The following CAMKMT variants were observed in gnomAD, a reference collection of about 807,000 sequenced individuals.
CAMKMT encodes the protein calmodulin-lysine N-methyltransferase, also known as CaM KMT.
Under a neutral mutation model 48.0 loss-of-function variants are expected in CAMKMT, and 53 were observed. The ratio of observed to expected loss-of-function variants is 1.10; its 90% CI spans 0.89 to 1.39. The LOEUF (loss-of-function observed/expected upper bound fraction) is 1.39, where lower values mean the gene tolerates loss of function less well. Ranked by LOEUF, CAMKMT falls within the 40% of genes most tolerant of loss-of-function variation. The pLI is 0.00. For missense variants in CAMKMT, 428 were observed against 402.7 expected, an observed-to-expected ratio of 1.06 and a Z score of -0.54; for synonymous variants, 165 against 152.3, an observed-to-expected ratio of 1.08 and a Z score of -0.61.
At chr2:44,537,304 A>G (rs910503850) in intron 3 of CAMKMT, among the ~76,000 whole-genome samples, 1 of 152,244 alleles carries the variant, frequency 6.6e-6, no homozygotes, top group African/African-American at 2.4e-5. Flanking sequence ...AAGGAATTCA[A>G]ACAACTCAAC....
chr2:44,555,525 A>T (rs978244977), intron 3 of CAMKMT, among the ~76,000 whole-genome samples: 1 of 152,308 alleles, frequency 6.6e-6, no homozygotes, highest in South Asian at 2.1e-4. Context: ...AGCTTTCCCA[A>T]TAGGCCTTTG....
chr2:44,557,101 G>A (rs997488249), intron 3 of CAMKMT, among the ~76,000 whole-genome samples: 13 of 152,138 alleles, frequency 8.5e-5, no homozygotes, highest in Non-Finnish European at 1.9e-4. Flanking sequence ...AACTTTTCTA[G>A]ACATAGGATT....
intron 3 of CAMKMT, chr2:44,401,136 C>G (rs1048493799): frequency 6.6e-6 from 1 of 152,034 alleles, no homozygotes; most frequent in African/African-American, 2.4e-5. Context: ...GTAAAACATT[C>G]TTTCTACACA....
At chr2:44,693,236 G>A (rs572000396) in intron 3 of CAMKMT, among the ~76,000 whole-genome samples, 1 of 152,278 alleles carries the variant, frequency 6.6e-6, no homozygotes, top group Admixed American at 6.5e-5. Context: ...CTTCTAAACA[G>A]TATTATAAAT....
chr2:44,410,904 G>A (rs1683159046), intron 3 of CAMKMT, among the ~76,000 whole-genome samples: 1 of 152,060 alleles, frequency 6.6e-6, no homozygotes, highest in South Asian at 2.1e-4. Flanking sequence ...AAAATGAAAT[G>A]TATCATTATG....
intron 3 of CAMKMT, among the ~76,000 whole-genome samples, chr2:44,646,473 G>T (rs1673739786): frequency 1.3e-5 from 2 of 152,112 alleles, no homozygotes; most frequent in African/African-American, 2.4e-5. Flanking sequence ...TCCATCCAGT[G>T]ATTCTGAAGC....
At chr2:44,472,917 C>A (rs1558641936) in intron 3 of CAMKMT, among the ~76,000 whole-genome samples, 1 of 152,180 alleles carries the variant, frequency 6.6e-6, no homozygotes. Flanking sequence ...ATGTGCATTT[C>A]CTTCCTACTT....
chr2:44,440,576 A>G (rs1453996979), intron 3 of CAMKMT, among the ~76,000 whole-genome samples: 1 of 152,188 alleles, frequency 6.6e-6, no homozygotes, highest in Admixed American at 6.6e-5. Flanking sequence ...GAATTATGAT[A>G]AAATTTAATT....
At chr2:44,429,072 A>G (rs1684467889) in intron 3 of CAMKMT, among the ~76,000 whole-genome samples, 1 of 152,196 alleles carries the variant, frequency 6.6e-6, no homozygotes, top group Admixed American at 6.5e-5. Flanking sequence ...GGCTAAAGTC[A>G]AAGAGCCCAA....
At chr2:44,656,069 A>C (rs1028528017) in intron 3 of CAMKMT, among the ~76,000 whole-genome samples, 11 of 152,216 alleles carry the variant, frequency 7.2e-5, no homozygotes, top group Non-Finnish European at 1.5e-4. Flanking sequence ...TCTATTAATG[A>C]GTGAAAAGAG....
At chr2:44,590,224 T>C (rs1670177638) in intron 3 of CAMKMT, among the ~76,000 whole-genome samples, 1 of 152,174 alleles carries the variant, frequency 6.6e-6, no homozygotes. Context: ...GTCTGTAGTC[T>C]TCTCTTTGTC....
At chr2:44,565,468 AGTGAT>A (rs1668561088) in intron 3 of CAMKMT, among the ~76,000 whole-genome samples, 1 of 152,094 alleles carries the variant, frequency 6.6e-6, no homozygotes, top group African/African-American at 2.4e-5. Context: ...CCTTCCCATT[AGTGAT>A]GTGTGAGGAT....
intron 5 of CAMKMT, among the ~76,000 whole-genome samples, chr2:44,706,835 G>T (rs1334723582): frequency 6.6e-6 from 1 of 152,018 alleles, no homozygotes; most frequent in Non-Finnish European, 1.5e-5. Context: ...GTATTCAGGA[G>T]ATATTATGTA....
intron 3 of CAMKMT, among the ~76,000 whole-genome samples, chr2:44,451,399 GT>G (rs576935225): frequency 5.1e-4 from 77 of 151,806 alleles, no homozygotes; most frequent in Non-Finnish European, 9.0e-4. Context: ...AAAGGTTTTT[GT>G]TTTTTTGGAG....
chr2:44,580,809 G>T (rs892741413), intron 3 of CAMKMT, among the ~76,000 whole-genome samples: 2 of 152,106 alleles, frequency 1.3e-5, no homozygotes, highest in African/African-American at 4.8e-5. Flanking sequence ...GTCATGAAGC[G>T]CTTATTTGCT....
At chr2:44,368,367 T>A (rs953116039) in intron 1 of CAMKMT, among the ~76,000 whole-genome samples, 1 of 152,240 alleles carries the variant, frequency 6.6e-6, no homozygotes, top group African/African-American at 2.4e-5. Context: ...AATAACTGAA[T>A]CTTCTTTTTA....
At chr2:44,728,964 A>T (rs1056410760) in intron 7 of CAMKMT, among the ~76,000 whole-genome samples, 1 of 136,144 alleles carries the variant, frequency 7.3e-6, no homozygotes, top group East Asian at 2.2e-4. Flanking sequence ...TAAGGCATGT[A>T]TTTATTCCGT....
intron 3 of CAMKMT, among the ~76,000 whole-genome samples, chr2:44,402,740 G>GTTTTTTTTTTTTT: frequency 1.3e-3 from 123 of 93,968 alleles, no homozygotes; most frequent in South Asian, 1.6e-3. Flanking sequence ...TTGTTTTGCT[G>GTTTTTTTTTTTTT]TTTTTTTTTT....
At chr2:44,376,383 T>C (rs1679695145) in intron 2 of CAMKMT, among the ~76,000 whole-genome samples, 1 of 148,318 alleles carries the variant, frequency 6.7e-6, no homozygotes, top group African/African-American at 2.5e-5. Context: ...ATTGTGCCAC[T>C]GAACTCCAGC....
Sources: allele counts gnomAD v4.1 joint callset (sites outside exome capture counted in the v4.1 genomes callset), GRCh38; gene constraint gnomAD v4.1.1; transcripts MANE v1.5; gene names NCBI Gene and HGNC (gene_info 2026-07-23, HGNC 2026-07-21).